Variants in AKAP9 observed in about 807,000 individuals in gnomAD.
AKAP9 encodes the protein A-kinase anchor protein 9.
In AKAP9, 311 loss-of-function variants were observed where a neutral mutation model predicts 488.5. The ratio of observed to expected loss-of-function variants is 0.64; its 90% CI spans 0.58 to 0.70. AKAP9 has a LOEUF of 0.70. Ranked by LOEUF, AKAP9 falls within the 30% of genes least tolerant of loss-of-function variation. The pLI is 0.00. For missense variants in AKAP9, 4,215 were observed against 4,374.5 expected, an observed-to-expected ratio of 0.96 and a Z score of 1.03; for synonymous variants, 1,462 against 1,483.5, an observed-to-expected ratio of 0.99 and a Z score of 0.33.
At position 92,005,633 on chromosome 7, in the gene AKAP9, TAG is replaced by T. The variant is rs750828730; in HGVS notation, c.3318+2401_3318+2402del. On this transcript the variant is annotated intron_variant, in intron 8 of 49. Coordinates refer to ENST00000356239, the MANE Select transcript of AKAP9 (RefSeq NM_005751.5). The stretch of plus-strand genomic sequence containing the variant: ...TATTTTATATATTTACTTGCCTAAA[TAG>T]AGTCAAGAAATTCGAATTGCTTAAC... 1.8e-4 allele frequency among the ~76,000 whole-genome samples: 27 copies of T among 152,278 alleles called. No homozygotes were observed. The East Asian group carries it at 5.0e-3, about 28-fold the overall frequency.
chr7:92,105,805 T>C, intron 47 of AKAP9, 42 bp downstream of exon 47: 5 of 1,521,120 alleles, frequency 3.3e-6, no homozygotes, highest in East Asian at 2.2e-5. Context: ...TATGACTCTC[T>C]AAATCAGAGG....
Position 92,002,686 on chromosome 7 carries a change from T to C in AKAP9, c.2769T>C (p.Phe923=), listed in dbSNP as rs376952463. ...CTGTCTTTGATGAAGACAAAACTTT[T>C]GTAGCAGAAACATTGGAAATGGGTG... is the stretch of plus-strand genomic sequence containing the variant. ...KSSVFDEDKT[F]VAETLEMGEV... The change falls in exon 8 of 50, where the codon TTT becomes TTC. Residue 923 remains phenylalanine (F), a synonymous_variant. Transcript: ENST00000356239. 2 of 1,613,444 alleles carry C rather than the reference T, an allele frequency of 1.2e-6. No homozygotes were observed. Among genetic ancestry groups the C allele is most frequent in the Non-Finnish European group, 1.7e-6 (2 of 1,179,698 alleles).
intron 11 of AKAP9, 95 bp from the exon 12 acceptor site, chr7:92,016,921 AT>A: frequency 3.1e-6 from 3 of 973,208 alleles, no homozygotes; most frequent in South Asian, 1.5e-5. Context: ...CTAGCAGGCA[AT>A]TTTTTTAAGT....
At chr7:91,944,730 T>G (rs2130438730) in intron 1 of AKAP9, among the ~76,000 whole-genome samples, 1 of 152,294 alleles carries the variant, frequency 6.6e-6, no homozygotes, top group Non-Finnish European at 1.5e-5. Flanking sequence ...ATCAAATACA[T>G]TATATTAAAC....
chr7:91,994,719 G>C lies in AKAP9; in HGVS notation c.675G>C (p.Met225Ile). Residue 225 changes from methionine (M) to isoleucine (I), a missense_variant, in exon 6 of 50, where the codon ATG becomes ATC. Physicochemically the swap from Met to Ile is conservative, Grantham distance 10. Around this residue, in one of 5 missense-constraint regions of AKAP9, gnomAD observed 2,361 missense variants for 2,430.0 expected, o/e 0.97. Transcript: ENST00000356239. ...CAAGAAGAGAAAAGGATGAGACAAT[G>C]AGAGAATTTTTAGAGTTGACAGAAC... ...QQARREKDET[M>I]REFLELTEQS... 1 of 1,613,288 alleles carries C rather than the reference G, an allele frequency of 6.2e-7. No homozygotes were observed.
At position 92,083,463 on chromosome 7, in the gene AKAP9, T is replaced by C. The variant is rs1179612368; in HGVS notation, c.8454T>C (p.Thr2818=). The change falls in exon 33 of 50, where the codon ACT becomes ACC. Residue 2818 remains threonine, a synonymous_variant. Transcript: ENST00000356239. ...LQSECSSEEV[T]EIISQFTEKI... ...GTGAATGTTCCTCAGAAGAAGTTACTGAAATAATCAGTCAGTTTACTGAAA... is the reference window on the plus strand; with the variant it reads ...GTGAATGTTCCTCAGAAGAAGTTACCGAAATAATCAGTCAGTTTACTGAAA... 6.2e-7 allele frequency: 1 copy of C among 1,613,858 alleles called. No individual in the cohort carries two copies. Among genetic ancestry groups the C allele is most frequent in the Admixed American group, 1.7e-5 (1 of 59,990 alleles).
chr7:92,008,331 C>T (rs1800209427), intron 8 of AKAP9, among the ~76,000 whole-genome samples: 1 of 151,724 alleles, frequency 6.6e-6, no homozygotes, highest in South Asian at 2.1e-4. Context: ...CGCGCCACTG[C>T]ACTCCAGCCT....
At chr7:92,067,000 A>G (rs185507683) in intron 26 of AKAP9, among the ~76,000 whole-genome samples, 72 of 152,214 alleles carry the variant, frequency 4.7e-4, no homozygotes, top group Non-Finnish European at 4.4e-4. Flanking sequence ...CTCTGTCTCC[A>G]TCCTCCTCAA....
rs1554401754 is a variant in AKAP9, at chr7:91,995,815, A to G, written c.930+15A>G. 2 of 1,579,818 alleles carry G rather than the reference A, an allele frequency of 1.3e-6. No homozygotes were observed. Among genetic ancestry groups the G allele is most frequent in the Non-Finnish European group, 1.7e-6 (2 of 1,155,222 alleles). On this transcript the variant is annotated intron_variant, in intron 7 of 49. Transcript: ENST00000356239. The stretch of plus-strand genomic sequence containing the variant: ...TATATGAAATGGTATGTTTATTTTA[A>G]GGAAGTCAGCTAACTTGTAGAAGCT...
rs948176467 is a variant in AKAP9 at position 92,103,330 on chromosome 7, C to T, written c.11330+504C>T. On this transcript the variant is annotated intron_variant, in intron 46 of 49. Transcript: ENST00000356239. ...ACTTGAACCTGGGCGGCGGAGGTTG[C>T]GGTGAGCCGAGATCGGCGCCACTAC... Among the ~76,000 whole-genome samples, 6 of 129,658 alleles carry T rather than the reference C, an allele frequency of 4.6e-5. No homozygotes were observed. In the East Asian group the frequency reaches 7.9e-4, roughly 17 times the overall value. The allele number at this position is 129,658 out of a possible 152,430, so 85.1% of individuals were successfully genotyped here. A position where few individuals can be genotyped will look rare whatever the true frequency, so the allele number is the denominator to read the frequency against.
At chr7:92,086,694 G>A (rs1386920304) in intron 37 of AKAP9, among the ~76,000 whole-genome samples, 1 of 152,200 alleles carries the variant, frequency 6.6e-6, no homozygotes, top group Non-Finnish European at 1.5e-5. Flanking sequence ...CACTGGTTAT[G>A]TTCCATAAAG....
Position 92,065,399 on chromosome 7 carries a change from T to C in AKAP9, c.6146T>C (p.Met2049Thr), listed in dbSNP as rs1810610818. The change falls in exon 25 of 50, where the codon ATG becomes ACG. Residue 2049 changes from methionine (M) to threonine (T), a missense_variant. Around this residue, in one of 5 missense-constraint regions of AKAP9, gnomAD observed 2,361 missense variants for 2,430.0 expected, o/e 0.97. Coordinates refer to ENST00000356239, the MANE Select transcript of AKAP9 (RefSeq NM_005751.5). ...GAACAAGAAAAAAATACTGAACTAA[T>C]GGATTTAAGACAGCAAAACCAAGCA... ...ELEQEKNTEL[M>T]DLRQQNQALE... is the part of the protein sequence containing the mutation. 1 of 1,612,970 alleles carries C rather than the reference T, an allele frequency of 6.2e-7. No individual in the cohort carries two copies. Among genetic ancestry groups the C allele is most frequent in the East Asian group, 2.2e-5 (1 of 44,678 alleles).
intron 14 of AKAP9, 24 bp from the exon 15 acceptor site, chr7:92,029,871 T>C: frequency 6.4e-7 from 1 of 1,574,326 alleles, no homozygotes; most frequent in Non-Finnish European, 8.7e-7. Context: ...CTCTAATTCT[T>C]TAACCTTTTT....
intron 7 of AKAP9, among the ~76,000 whole-genome samples, chr7:92,000,487 A>G (rs764810678): frequency 6.6e-6 from 1 of 152,242 alleles, no homozygotes; most frequent in Non-Finnish European, 1.5e-5. Flanking sequence ...TACTTTAGCT[A>G]TAGAGAATAC....
At chr7:91,946,661 A>C (rs1791488931) in intron 1 of AKAP9, among the ~76,000 whole-genome samples, 1 of 152,180 alleles carries the variant, frequency 6.6e-6, no homozygotes, top group Non-Finnish European at 1.5e-5. Flanking sequence ...GGGGTGACCC[A>C]CTGCACCCAG....
At chr7:92,093,985 G>A (rs1816095100) in intron 39 of AKAP9, among the ~76,000 whole-genome samples, 1 of 151,724 alleles carries the variant, frequency 6.6e-6, no homozygotes, top group Non-Finnish European at 1.5e-5. Flanking sequence ...TGAGTAGCTG[G>A]GATTATAGGC....
chr7:92,018,745 G>A (rs1421123918), intron 12 of AKAP9, among the ~76,000 whole-genome samples: 1 of 151,994 alleles, frequency 6.6e-6, no homozygotes, highest in African/African-American at 2.4e-5. Context: ...TATATTACCA[G>A]GGATCTTTAT....
At chr7:92,023,812 G>A (rs1458718328) in intron 14 of AKAP9, among the ~76,000 whole-genome samples, 2 of 152,054 alleles carry the variant, frequency 1.3e-5, no homozygotes, top group African/African-American at 4.8e-5. Context: ...AGATACTGGT[G>A]ACAGCATCTT....
At chr7:92,033,442 C>CTTT (rs35497475) in intron 16 of AKAP9, among the ~76,000 whole-genome samples, 48 of 107,330 alleles carry the variant, frequency 4.5e-4, no homozygotes, top group South Asian at 6.2e-4. Flanking sequence ...CTTTTCTTTT[C>CTTT]TTTTTTTTTT....
Sources: gnomAD v4.1 joint callset for allele counts (sites outside exome capture counted in the v4.1 genomes callset) on GRCh38, gnomAD v4.1.1 for gene constraint, gnomAD v4.1.1 regional missense constraint, MANE v1.5 for transcripts, NCBI Gene and HGNC (gene_info 2026-07-23, HGNC 2026-07-21) for gene names.